The following PRRC2B variants were observed in gnomAD, a reference collection of about 807,000 sequenced individuals.
The protein encoded by PRRC2B is proline rich coiled-coil 2B, also known as protein PRRC2B.
Under a neutral mutation model 242.3 loss-of-function variants are expected in PRRC2B, and 68 were observed. The ratio of observed to expected loss-of-function variants is 0.28; its 90% CI spans 0.23 to 0.34. The LOEUF (loss-of-function observed/expected upper bound fraction) is 0.34, where lower values mean the gene tolerates loss of function less well. Ranked by LOEUF, PRRC2B falls within the 10% of genes least tolerant of loss-of-function variation. PRRC2B has a pLI of 1.00. For synonymous variants in PRRC2B, 1,228 were observed against 1,173.6 expected (o/e 1.05, Z -0.95); for missense variants, 2,835 against 2,954.8 (o/e 0.96, Z 0.94).
chr9:131,472,471 ATTTTTTT>A (rs749051569), intron 14 of PRRC2B, among the ~76,000 whole-genome samples: 11 of 91,522 alleles, frequency 1.2e-4, no homozygotes, highest in Admixed American at 1.3e-4. Context: ...CGCCCAGCTA[ATTTTTTT>A]TTTTTTTTTT....
intron 11 of PRRC2B, among the ~76,000 whole-genome samples, chr9:131,464,283 A>G (rs1943329028): frequency 6.6e-6 from 1 of 152,190 alleles, no homozygotes; most frequent in Non-Finnish European, 1.5e-5. Context: ...TATGTCTGAC[A>G]GTGAATTTCA....
intron 1 of PRRC2B, among the ~76,000 whole-genome samples, chr9:131,429,815 G>A (rs961884730): frequency 5.9e-5 from 9 of 152,116 alleles, no homozygotes; most frequent in African/African-American, 2.2e-4. Flanking sequence ...GTAGACTCCA[G>A]CCAACTCAGA....
At chr9:131,459,426 T>C in intron 11 of PRRC2B, 70 bp downstream of exon 11, 1 of 1,250,476 alleles carries the variant, frequency 8.0e-7, no homozygotes, top group East Asian at 2.5e-5. Context: ...TTCTGAGAAG[T>C]CCTAAGTGGG....
At chr9:131,459,018 C>T (rs1478487167) in intron 10 of PRRC2B, 146 bp from the exon 11 acceptor site, 21 of 663,608 alleles carry the variant, frequency 3.2e-5, no homozygotes, top group Non-Finnish European at 5.2e-5. Flanking sequence ...GTGGAATTCA[C>T]ATGGAAGTAG....
chr9:131,483,527 C>A, intron 23 of PRRC2B, 82 bp downstream of exon 23: 2 of 1,249,444 alleles, frequency 1.6e-6, no homozygotes, highest in Non-Finnish European at 2.4e-6. Flanking sequence ...ACATGTATTT[C>A]AGGCTGACCT....
chr9:131,390,055 C>G (rs1836879826), upstream of PRRC2B, among the ~76,000 whole-genome samples: 1 of 147,508 alleles, frequency 6.8e-6, no homozygotes, highest in Non-Finnish European at 1.5e-5. Flanking sequence ...CGAGCGATTA[C>G]AGGTGCCCGC....
In PRRC2B at chr9:131,447,748, C is replaced by A; in HGVS notation, c.1064C>A (p.Ala355Glu). The A allele has an allele frequency of 1.2e-6, 2 of 1,613,808 alleles. No individual in the cohort carries two copies. Among genetic ancestry groups the A allele is most frequent in the Non-Finnish European group, 1.7e-6 (2 of 1,179,794 alleles). Residue 355 changes from alanine to glutamate, a missense_variant, in exon 9 of 32, where the codon GCG becomes GAG. Physicochemically the swap from Ala to Glu is moderately radical, Grantham distance 107. This residue lies in a region of PRRC2B where 626 missense variants were observed against 685.5 expected (regional missense o/e 0.91). Transcript: ENST00000683519. ...GCACCACGGCCCACCATTATCAATG[C>A]GGAAAACCTGAAGGGCCTTGACGAT... ...ERAPRPTIINAENLKGLDDLD... is the reference protein window; with the variant it reads ...ERAPRPTIINEENLKGLDDLD...
intron 14 of PRRC2B, 77 bp downstream of exon 14, chr9:131,471,060 A>G: frequency 9.5e-7 from 1 of 1,047,366 alleles, no homozygotes. Context: ...TCTCGAGTTA[A>G]ACAGATACAC....
In PRRC2B at chr9:131,479,041, AGATTACAGTCC is replaced by A. The variant is rs575883159; in HGVS notation, c.4759-209_4759-199del. Among the ~76,000 whole-genome samples, 97 of 152,232 alleles carry A rather than the reference AGATTACAGTCC, an allele frequency of 6.4e-4. 1 individual carries two copies. The highest frequency in any genetic ancestry group is 2.2e-3 in the African/African-American group (92 of 41,526). On this transcript the variant is annotated intron_variant, in intron 18 of 31. Transcript: ENST00000683519. ...TGGAGTCAGGGCTGGACCTGCACAC[AGATTACAGTCC>A]GTTGGCCTTTCAGGTCTTTCTTGGG... is the stretch of plus-strand genomic sequence containing the variant.
chr9:131,444,475 A>G, intron 6 of PRRC2B, 147 bp downstream of exon 6: 1 of 903,366 alleles, frequency 1.1e-6, no homozygotes, highest in Non-Finnish European at 1.6e-6. Flanking sequence ...TGATCTGTGC[A>G]TCCATTGGAC....
In PRRC2B at chr9:131,497,368, G is replaced by C. The variant is rs889883462; in HGVS notation, c.*1494G>C. On this transcript the variant is annotated 3_prime_UTR_variant, in exon 32 of 32. Coordinates refer to ENST00000683519, the MANE Select transcript of PRRC2B (RefSeq NM_013318.4). Reference sequence around the variant, plus strand: ...ATCACTCCAGATTCTGTCATTCCAAGGAAAGGGAAGGGGACAGTTCAGGTT... The same window carrying C: ...ATCACTCCAGATTCTGTCATTCCAACGAAAGGGAAGGGGACAGTTCAGGTT... 1 of 152,266 alleles carries C rather than the reference G, an allele frequency of 6.6e-6. No individual in the cohort carries two copies. Among genetic ancestry groups the C allele is most frequent in the African/African-American group, 2.4e-5 (1 of 41,462 alleles). 9.4% of individuals were successfully genotyped at this position (152,266 alleles called of 1,614,324 possible). A position where few individuals can be genotyped will look rare whatever the true frequency, so the allele number is the denominator to read the frequency against.
chr9:131,459,480 T>C, intron 11 of PRRC2B, 124 bp downstream of exon 11: 1 of 901,790 alleles, frequency 1.1e-6, no homozygotes, highest in South Asian at 1.8e-5. Flanking sequence ...TTAAAATGTT[T>C]TTTCATAGAG....
At position 131,475,923 on chromosome 9, in the gene PRRC2B, C is replaced by T; in HGVS notation, c.3794C>T (p.Ala1265Val). 6.2e-7 allele frequency: 1 copy of T among 1,613,794 alleles called. No homozygotes were observed. Among genetic ancestry groups the T allele is most frequent in the Non-Finnish European group, 8.5e-7 (1 of 1,179,792 alleles). Residue 1265 changes from alanine (A) to valine (V), a missense_variant, in exon 16 of 32, where the codon GCA becomes GTA. This residue lies in a region of PRRC2B where 1,536 missense variants were observed against 1,483.1 expected (regional missense o/e 1.04). Transcript: ENST00000683519. The stretch of plus-strand genomic sequence containing the variant: ...CCAGATTCCTACAGACACCCTGACG[C>T]ATTTGGTGGCCGGGGCTTTGAGGAC... ...YVPDSYRHPDAFGGRGFEDSR... is the reference protein window; with the variant it reads ...YVPDSYRHPDVFGGRGFEDSR...
rs1588284390 is a variant in PRRC2B, at chr9:131,491,281, T to G, written c.6226-144T>G. 4.8e-6 allele frequency: 4 copies of G among 830,866 alleles called. No homozygotes were observed. The East Asian group carries it at 1.2e-4, about 24-fold the overall frequency. The allele number at this position is 830,866 out of a possible 1,614,324, so 51.5% of individuals were successfully genotyped here. On this transcript the variant is annotated intron_variant, in intron 28 of 31. Transcript: ENST00000683519. ...ATCTCTCCTGTGCTGCAGTAGAAAT[T>G]AGAGCATGTCCTGCTTTATGCAGGC...
chr9:131,463,412 A>C (rs1381253581), intron 11 of PRRC2B, among the ~76,000 whole-genome samples: 3 of 152,110 alleles, frequency 2.0e-5, no homozygotes, highest in Non-Finnish European at 2.9e-5. Flanking sequence ...TGTTACTAGC[A>C]TTCAAAATAG....
intron 16 of PRRC2B, among the ~76,000 whole-genome samples, 181 bp from the exon 17 acceptor site, chr9:131,477,563 C>T (rs1331711492): frequency 2.0e-5 from 3 of 152,322 alleles, no homozygotes; most frequent in Non-Finnish European, 4.4e-5. Context: ...CAGCCTTACA[C>T]GTATGTTTGC....
chr9:131,409,893 A>G (rs1837462481), intron 1 of PRRC2B, among the ~76,000 whole-genome samples: 1 of 152,252 alleles, frequency 6.6e-6, no homozygotes, highest in East Asian at 1.9e-4. Flanking sequence ...ATTGTACAAT[A>G]AAGAACATAG....
At chr9:131,403,686 TA>T (rs79040254) in intron 1 of PRRC2B, among the ~76,000 whole-genome samples, 102 of 145,968 alleles carry the variant, frequency 7.0e-4, no homozygotes, top group African/African-American at 2.5e-3. Context: ...AAAACAAAAT[TA>T]AAAGCCAAGT....
At chr9:131,412,162 G>A (rs753612053) in intron 1 of PRRC2B, among the ~76,000 whole-genome samples, 1 of 152,096 alleles carries the variant, frequency 6.6e-6, no homozygotes, top group Non-Finnish European at 1.5e-5. Flanking sequence ...GCTCATCTAC[G>A]TTGACCGTCT....
Sources: gnomAD v4.1 joint callset for allele counts (sites outside exome capture counted in the v4.1 genomes callset) on GRCh38, gnomAD v4.1.1 for gene constraint, gnomAD v4.1.1 regional missense constraint, MANE v1.5 for transcripts, NCBI Gene and HGNC (gene_info 2026-07-23, HGNC 2026-07-21) for gene names.